PTPRK: variants seen among roughly 807,000 people sequenced by gnomAD.
PTPRK encodes protein tyrosine phosphatase receptor type K, also known as receptor-type tyrosine-protein phosphatase kappa.
PTPRK carries 75 observed loss-of-function variants against 178.0 expected under a neutral mutation model. The observed-to-expected ratio is 0.42, with a 90% CI of 0.35 to 0.51. The LOEUF (loss-of-function observed/expected upper bound fraction) is 0.51, where lower values mean the gene tolerates loss of function less well. Among genes scored for constraint, PTPRK ranks in the 20% least tolerant of loss-of-function variants. PTPRK has a pLI of 0.02. For synonymous variants in PTPRK, 637 were observed against 620.6 expected (o/e 1.03, Z -0.39); for missense variants, 1,441 against 1,797.8 (o/e 0.80, Z 3.59).
At chr6:128,488,081 A>G (rs2128427465) in intron 1 of PTPRK, among the ~76,000 whole-genome samples, 1 of 152,296 alleles carries the variant, frequency 6.6e-6, no homozygotes, top group Admixed American at 6.5e-5. Flanking sequence ...AAACCTCAAG[A>G]GTAGGGAAGC....
At chr6:128,149,051 A>G (rs1299639992) in intron 7 of PTPRK, among the ~76,000 whole-genome samples, 2 of 151,846 alleles carry the variant, frequency 1.3e-5, no homozygotes, top group African/African-American at 4.8e-5. Context: ...ATCAAAGAGA[A>G]CCATGAACCA....
intron 6 of PTPRK, among the ~76,000 whole-genome samples, chr6:128,189,939 T>C (rs1335071576): frequency 6.6e-6 from 1 of 152,202 alleles, no homozygotes; most frequent in Non-Finnish European, 1.5e-5. Flanking sequence ...TAATTTTAAA[T>C]GATTTTAAAT....
intron 8 of PTPRK, among the ~76,000 whole-genome samples, chr6:128,089,379 G>T (rs1786527619): frequency 6.6e-6 from 1 of 152,192 alleles, no homozygotes; most frequent in South Asian, 2.1e-4. Context: ...TTGATATAGT[G>T]CCATGGAGAG....
At chr6:128,422,676 CAAAAAAAAAAAAAA>C (rs750423577) in intron 1 of PTPRK, among the ~76,000 whole-genome samples, 1 of 14,706 alleles carries the variant, frequency 6.8e-5, no homozygotes, top group African/African-American at 1.7e-4. Context: ...TTCACGGACG[CAAAAAAAAAAAAAA>C]AAAAAAAAAA....
Position 127,991,301 on chromosome 6 carries a change from A to G in PTPRK, c.2972T>C (p.Val991Ala). 4 of 1,592,668 alleles carry G rather than the reference A, an allele frequency of 2.5e-6. No homozygotes were observed. Among genetic ancestry groups the G allele is most frequent in the Non-Finnish European group, 3.4e-6 (4 of 1,170,586 alleles). ...CIVMVTNLVE[V>A]GRVKCYKYWP... ...TCTTTTTCTTCCTCTTACCCGGCCA[A>G]CCTCAACTAAATTTGTAACCATCAC... Residue 991 changes from valine to alanine, a missense_variant, in exon 20 of 30, where the codon GTT becomes GCT. By Grantham distance (64) the Val-to-Ala change is moderately conservative. This residue lies in a region of PTPRK where 945 missense variants were observed against 1,080.6 expected (regional missense o/e 0.87). Coordinates refer to ENST00000368226, the MANE Select transcript of PTPRK (RefSeq NM_002844.4).
At chr6:128,055,970 C>CT (rs113017177) in intron 13 of PTPRK, among the ~76,000 whole-genome samples, 5,644 of 148,006 alleles carry the variant, frequency 0.038, 359 homozygotes, top group African/African-American at 0.13. Flanking sequence ...AACATAAGCG[C>CT]TTTTTTTTCT....
At chr6:128,186,725 C>T (rs1802824980) in intron 6 of PTPRK, among the ~76,000 whole-genome samples, 1 of 152,102 alleles carries the variant, frequency 6.6e-6, no homozygotes, top group South Asian at 2.1e-4. Flanking sequence ...TTACCAACTG[C>T]TCTAACAACT....
At chr6:128,409,828 C>T (rs1314359556) in intron 1 of PTPRK, among the ~76,000 whole-genome samples, 5 of 152,168 alleles carry the variant, frequency 3.3e-5, no homozygotes, top group Non-Finnish European at 5.9e-5. Flanking sequence ...GTGACTTGCT[C>T]CTCCTTGCCT....
At chr6:128,173,474 A>G (rs1583325148) in intron 7 of PTPRK, among the ~76,000 whole-genome samples, 1 of 152,134 alleles carries the variant, frequency 6.6e-6, no homozygotes, top group Non-Finnish European at 1.5e-5. Context: ...TGAATCTCGC[A>G]AGAGGAATTA....
rs191694962 is a variant in PTPRK, at chr6:128,081,556, T to C, written c.1777+881A>G. ...ATGGGTATTAATGATGTATCATTAA[T>C]ATTTGCCATGTGGAACTATAATAAA... On this transcript the variant is annotated intron_variant, in intron 10 of 29. Transcript: ENST00000368226. Among the ~76,000 whole-genome samples the C allele has an allele frequency of 1.8e-3, 272 of 152,134 alleles. 1 individual carries two copies. The highest frequency in any genetic ancestry group is 6.3e-3 in the African/African-American group (260 of 41,558).
At position 128,402,768 on chromosome 6, in the gene PTPRK, A is replaced by G. The variant is rs76397152; in HGVS notation, c.101-5080T>C. Among the ~76,000 whole-genome samples the G allele has an allele frequency of 1.4e-4, 22 of 152,330 alleles. No individual in the cohort carries two copies. In the East Asian group the frequency reaches 4.2e-3, roughly 29 times the overall value. On this transcript the variant is annotated intron_variant, in intron 1 of 29. Transcript: ENST00000368226. ...TAAGTACTGAAATTAAAATAGGAAA[A>G]ATTCCAAGTAGATACAAGTAACAAA...
chr6:128,343,814 T>C (rs1159130420), intron 2 of PTPRK, among the ~76,000 whole-genome samples: 1 of 152,184 alleles, frequency 6.6e-6, no homozygotes, highest in Admixed American at 6.5e-5. Flanking sequence ...AAAGTCCTTA[T>C]ATCTCCCAAG....
chr6:128,414,801 GT>G (rs1311091231), intron 1 of PTPRK, among the ~76,000 whole-genome samples: 1 of 151,938 alleles, frequency 6.6e-6, no homozygotes, highest in African/African-American at 2.4e-5. Flanking sequence ...ATTTACAAGT[GT>G]TTAAGTTTTA....
At chr6:128,202,603 C>G (rs938978643) in intron 6 of PTPRK, among the ~76,000 whole-genome samples, 1 of 152,024 alleles carries the variant, frequency 6.6e-6, no homozygotes, top group Non-Finnish European at 1.5e-5. Context: ...TCCAGCCAGA[C>G]AGTGCTGACA....
At chr6:128,102,925 G>A (rs1364694181) in intron 7 of PTPRK, among the ~76,000 whole-genome samples, 1 of 152,130 alleles carries the variant, frequency 6.6e-6, no homozygotes, top group African/African-American at 2.4e-5. Context: ...CTGGGTAGAA[G>A]AGGGCAGTTC....
At chr6:128,001,998 C>A (rs73582617) in intron 15 of PTPRK, among the ~76,000 whole-genome samples, 1 of 151,818 alleles carries the variant, frequency 6.6e-6, no homozygotes, top group Non-Finnish European at 1.5e-5. Flanking sequence ...TGTGATAAGA[C>A]CACTCCCTGG....
chr6:128,208,092 T>A (rs546249008), intron 6 of PTPRK, among the ~76,000 whole-genome samples: 2 of 152,152 alleles, frequency 1.3e-5, no homozygotes, highest in South Asian at 4.2e-4. Flanking sequence ...TTACCATGCA[T>A]CAACCAGTCT....
chr6:128,418,934 C>T (rs1843140358), intron 1 of PTPRK, among the ~76,000 whole-genome samples: 1 of 152,194 alleles, frequency 6.6e-6, no homozygotes, highest in Non-Finnish European at 1.5e-5. Context: ...GTAAAGCACT[C>T]TATTGTGTCA....
chr6:128,158,745 A>G (rs542149389), intron 7 of PTPRK, among the ~76,000 whole-genome samples: 3 of 151,972 alleles, frequency 2.0e-5, no homozygotes, highest in Admixed American at 6.6e-5. Flanking sequence ...CACTCAAACC[A>G]TATCTGCACA....
Sources: allele counts gnomAD v4.1 joint callset (sites outside exome capture counted in the v4.1 genomes callset), GRCh38; gene constraint gnomAD v4.1.1; regional missense constraint gnomAD v4.1.1; transcripts MANE v1.5; gene names NCBI Gene and HGNC (gene_info 2026-07-23, HGNC 2026-07-21).